CHD2: variants seen among roughly 807,000 people sequenced by gnomAD.
CHD2 encodes the protein ATP-dependent chromatin remodeler CHD2.
In CHD2, 28 loss-of-function variants were observed where a neutral mutation model predicts 243.9. The observed-to-expected ratio is 0.11, with a 90% CI of 0.09 to 0.16. The LOEUF (loss-of-function observed/expected upper bound fraction) is 0.16. Ranked by LOEUF, CHD2 falls within the 10% of genes least tolerant of loss-of-function variation. The pLI is 1.00. For missense variants in CHD2, 1,386 were observed against 2,209.8 expected, an observed-to-expected ratio of 0.63 and a Z score of 7.47; for synonymous variants, 775 against 779.0, an observed-to-expected ratio of 0.99 and a Z score of 0.09.
Position 92,998,192 on chromosome 15 carries a change from C to G in CHD2, c.3886-307C>G. ...CCTGGAAGGAGGAAATCCACGACGG[C>G]TGGGATGCTCTAGCAGATGAAGCCA... On this transcript the variant is annotated intron_variant, in intron 30 of 38. Transcript: ENST00000394196. This position sits in a 1 kb window ranked among gnomAD's most constrained non-coding sequence, Gnocchi z 5.1. 9.5e-7 allele frequency: 1 copy of G among 1,056,058 alleles called. No individual in the cohort carries two copies. The highest frequency in any genetic ancestry group is 1.1e-6 in the Non-Finnish European group (1 of 874,516). 65.4% of individuals were successfully genotyped at this position (1,056,058 alleles called of 1,614,324 possible).
rs927844025 is a variant in CHD2 at position 93,027,717 on chromosome 15, G to C, written c.*3012G>C. ...TTCCGGCTCCTCTGAGGGCTGCCACGTTGGGCGAGGGGAGCCATGCCAAGG... is the reference window on the plus strand; with the variant it reads ...TTCCGGCTCCTCTGAGGGCTGCCACCTTGGGCGAGGGGAGCCATGCCAAGG... On this transcript the variant is annotated 3_prime_UTR_variant, in exon 39 of 39. Transcript: ENST00000394196. The C allele has an allele frequency of 2.0e-5, 3 of 152,696 alleles. No individual in the cohort carries two copies. The highest frequency in any genetic ancestry group is 2.0e-4 in the Admixed American group (3 of 15,290). 9.5% of individuals were successfully genotyped at this position (152,696 alleles called of 1,614,324 possible). A position where few individuals can be genotyped will look rare whatever the true frequency, so the allele number is the denominator to read the frequency against.
chr15:92,947,474 G>A (rs1244982447), intron 12 of CHD2: 2 of 152,262 alleles, frequency 1.3e-5, no homozygotes, highest in Non-Finnish European at 2.9e-5. Context: ...AGGTCAAAGT[G>A]TGTGTGTCTT....
At chr15:92,913,513 A>T (rs1454347681) in intron 2 of CHD2, among the ~76,000 whole-genome samples, 1 of 152,152 alleles carries the variant, frequency 6.6e-6, no homozygotes, top group East Asian at 1.9e-4. Context: ...AAGAGTGTGT[A>T]TGAGACAGCT....
At chr15:92,906,134 A>T (rs766495137) in intron 2 of CHD2, among the ~76,000 whole-genome samples, 6 of 152,204 alleles carry the variant, frequency 3.9e-5, no homozygotes, top group Non-Finnish European at 8.8e-5. Context: ...GCAGCCAATT[A>T]AGTTTTTTAT....
intron 19 of CHD2, among the ~76,000 whole-genome samples, chr15:92,973,192 G>T (rs1276243043): frequency 1.3e-5 from 2 of 152,140 alleles, no homozygotes; most frequent in Admixed American, 6.5e-5. Context: ...GCTACTCCCT[G>T]AAGTAAGTGA....
chr15:92,904,917 A>G, intron 2 of CHD2: 1 of 1,535,924 alleles, frequency 6.5e-7, no homozygotes, highest in Non-Finnish European at 8.7e-7. Flanking sequence ...CATGGCTCAT[A>G]AACAAAGGGA....
chr15:92,970,648 C>T (rs576029789), intron 17 of CHD2, among the ~76,000 whole-genome samples: 1 of 152,302 alleles, frequency 6.6e-6, no homozygotes, highest in East Asian at 1.9e-4. Context: ...TCTCTGCCTT[C>T]CTTTTTTCCT....
chr15:92,954,674 A>C (rs949669090), intron 14 of CHD2, among the ~76,000 whole-genome samples: 1 of 152,220 alleles, frequency 6.6e-6, no homozygotes, highest in South Asian at 2.1e-4. Flanking sequence ...AATGATTGCA[A>C]ACAAAGAAAA....
intron 31 of CHD2, among the ~76,000 whole-genome samples, chr15:92,999,175 T>C (rs911316868): frequency 8.6e-5 from 13 of 151,682 alleles, no homozygotes; most frequent in Admixed American, 8.5e-4. Flanking sequence ...TTCTGAAATG[T>C]TGCTTCAAAT....
In CHD2 at chr15:93,020,014, C is replaced by A. The variant is rs864309547; in HGVS notation, c.4909C>A (p.Arg1637=). Residue 1637 remains arginine, a splice_region_variant and synonymous_variant, in exon 38 of 39, where the codon CGA becomes AGA. Transcript: ENST00000394196. ...GATCATTCTTTCTTTTCCTGCAGAT[C>A]GAGGAGACTGGCAGAGGGAAAGAAA... is the stretch of plus-strand genomic sequence containing the variant. ...PNKRHFSNAD[R]GDWQRERKFN... 2 of 1,608,704 alleles carry A rather than the reference C, an allele frequency of 1.2e-6. No individual in the cohort carries two copies. Among genetic ancestry groups the A allele is most frequent in the African/African-American group, 1.3e-5 (1 of 74,834 alleles).
rs2054570178 is a variant in CHD2 at position 93,024,534 on chromosome 15, A to G, written c.5316A>G (p.Glu1772=). The part of the protein sequence containing the change: ...YRSFHTDKLG[E]YKQPLPPLHP... ...CTTTCCACACAGATAAACTGGGGGA[A>G]TATAAACAGCCTCTACCCCCATTGC... The change falls in exon 39 of 39, where the codon GAA becomes GAG. Residue 1772 remains glutamate, a synonymous_variant. Transcript: ENST00000394196. The G allele has an allele frequency of 1.2e-6, 2 of 1,614,202 alleles. No homozygotes were observed. The highest frequency in any genetic ancestry group is 2.7e-5 in the African/African-American group (2 of 75,056).
intron 2 of CHD2, among the ~76,000 whole-genome samples, chr15:92,909,419 A>G (rs1233491385): frequency 2.0e-5 from 3 of 152,108 alleles, no homozygotes; most frequent in Non-Finnish European, 2.9e-5. Flanking sequence ...TCCCATTTGT[A>G]TGGGTTGTTT....
At position 92,937,595 on chromosome 15, in the gene CHD2, A is replaced by T; in HGVS notation, c.521A>T (p.Lys174Ile). The T allele has an allele frequency of 6.2e-7, 1 of 1,613,922 alleles. No individual in the cohort carries two copies. The highest frequency in any genetic ancestry group is 2.2e-5 in the East Asian group (1 of 44,874). The change falls in exon 6 of 39, where the codon AAA (lysine) becomes ATA (isoleucine). Residue 174 changes from lysine (K) to isoleucine (I), a missense_variant. Lys to Ile is a moderately radical substitution (Grantham distance 102, BLOSUM62 -3). Transcript: ENST00000394196. ...GCAGAGAGTGAGCCAGAACAAAAAA[A>T]AGTAAAAGCCAGAAGACCTGTCCCC... The part of the protein sequence containing the change: ...TSAESEPEQK[K>I]VKARRPVPRR...
At position 92,974,974 on chromosome 15, in the gene CHD2, T is replaced by G. The variant is rs772988928; in HGVS notation, c.2577+24T>G. 12 of 1,594,738 alleles carry G rather than the reference T, an allele frequency of 7.5e-6. No individual in the cohort carries two copies. In the African/African-American group the frequency reaches 1.1e-4, roughly 14 times the overall value. On this transcript the variant is annotated intron_variant, in intron 20 of 38. Transcript: ENST00000394196. ...AGGTATACTATGCATGGCTTTGTTATTTGAGCAACTTGGGCTCTGCATCAA... is the reference window on the plus strand; with the variant it reads ...AGGTATACTATGCATGGCTTTGTTAGTTGAGCAACTTGGGCTCTGCATCAA...
intron 2 of CHD2, among the ~76,000 whole-genome samples, chr15:92,923,815 C>T (rs1215900851): frequency 5.9e-5 from 9 of 152,198 alleles, no homozygotes; most frequent in Admixed American, 1.3e-4. Flanking sequence ...CCGCCCGCCT[C>T]GGCCTCCCAA....
chr15:92,992,197 C>T (rs945894281), intron 27 of CHD2, among the ~76,000 whole-genome samples: 2 of 152,186 alleles, frequency 1.3e-5, no homozygotes, highest in African/African-American at 4.8e-5. Flanking sequence ...GTTTGGTCCT[C>T]TCCATTTGGC....
At chr15:93,002,383 G>A (rs1244651995) in intron 33 of CHD2, 66 bp downstream of exon 33, 22 of 1,556,402 alleles carry the variant, frequency 1.4e-5, no homozygotes, top group Non-Finnish European at 1.9e-5. Flanking sequence ...GGATTTAGAA[G>A]TAGAATGAGA....
Position 92,997,262 on chromosome 15 carries a change from A to G in CHD2, c.3744A>G (p.Leu1248=), listed in dbSNP as rs778897064. 37 of 1,614,002 alleles carry G rather than the reference A, an allele frequency of 2.3e-5. No individual in the cohort carries two copies. The highest frequency in any genetic ancestry group is 6.7e-5 in the Admixed American group (4 of 59,992). The change falls in exon 30 of 39, where the codon TTA becomes TTG. Residue 1248 remains leucine (L), a synonymous_variant. Coordinates refer to ENST00000394196, the MANE Select transcript of CHD2 (RefSeq NM_001271.4). This position sits in a 1 kb window ranked among gnomAD's most constrained non-coding sequence, Gnocchi z 4.1. ...VDPEEKKKYC[L]TCRVKAAHFD... is the part of the protein sequence containing the mutation. Reference sequence around the variant, plus strand: ...TTTAAACTTTCTTTAGATACTGCTTAACCTGTCGTGTCAAAGCTGCACATT... The same window carrying G: ...TTTAAACTTTCTTTAGATACTGCTTGACCTGTCGTGTCAAAGCTGCACATT...
intron 38 of CHD2, 58 bp downstream of exon 38, chr15:93,020,316 G>A: frequency 6.2e-7 from 1 of 1,605,592 alleles, no homozygotes; most frequent in Non-Finnish European, 8.5e-7. Flanking sequence ...TGTTTCTAGG[G>A]AGAAAGTGAC....
Sources: allele counts gnomAD v4.1 joint callset (sites outside exome capture counted in the v4.1 genomes callset), GRCh38; gene constraint gnomAD v4.1.1; non-coding constraint Gnocchi (gnomAD v3.1); transcripts MANE v1.5; gene names NCBI Gene and HGNC (gene_info 2026-07-23, HGNC 2026-07-21).